Variants in GSS observed in about 807,000 individuals in gnomAD.
GSS encodes GSH synthetase.
Under a neutral mutation model 60.4 loss-of-function variants are expected in GSS, and 34 were observed. The ratio of observed to expected loss-of-function variants is 0.56; its 90% confidence interval spans 0.43 to 0.75. The LOEUF (loss-of-function observed/expected upper bound fraction) is 0.75. GSS is among the 30% of genes least tolerant of loss of function. The probability of loss-of-function intolerance (pLI) is 0.00; values close to 1 mark genes in which losing one functional copy is unlikely to be tolerated. For missense variants in GSS, 499 were observed against 595.1 expected, an observed-to-expected ratio of 0.84 and a Z score of 1.68; for synonymous variants, 224 against 239.0, an observed-to-expected ratio of 0.94 and a Z score of 0.58.
In GSS at chr20:34,935,648, A is replaced by G. The variant is rs1358355453; in HGVS notation, c.768-6T>C. On this transcript the variant is annotated splice_polypyrimidine_tract_variant and splice_region_variant and intron_variant, in intron 8 of 12. Transcript: ENST00000651619. ...CAGCAATTTCCTGGCCATCCCTGGA[A>G]CACAGGATGGAGAAGGCTGCTGTGT... is the stretch of plus-strand genomic sequence containing the variant. The G allele has an allele frequency of 1.9e-6, 3 of 1,602,560 alleles. No individual in the cohort carries two copies. The highest frequency in any genetic ancestry group is 2.6e-6 in the Non-Finnish European group (3 of 1,169,560).
intron 3 of GSS, among the ~76,000 whole-genome samples, chr20:34,943,478 G>GC (rs1190215224): frequency 6.6e-6 from 1 of 152,072 alleles, no homozygotes; most frequent in African/African-American, 2.4e-5. Context: ...CCCAGGGTGA[G>GC]CCTTCTCCTC....
chr20:34,936,707 G>C, intron 8 of GSS, 56 bp downstream of exon 8: 1 of 1,136,364 alleles, frequency 8.8e-7, no homozygotes, highest in Non-Finnish European at 1.3e-6. Context: ...TGGGGAAGAG[G>C]GTGGCAGGAT....
At chr20:34,951,658 C>T (rs1569018844) in intron 2 of GSS, 66 bp downstream of exon 2, 3 of 1,541,236 alleles carry the variant, frequency 1.9e-6, no homozygotes, top group Admixed American at 1.9e-5. Flanking sequence ...AAGGAGTGAC[C>T]CTCAGCCTGG....
At chr20:34,930,769 A>C (rs2081394949) in intron 11 of GSS, among the ~76,000 whole-genome samples, 1 of 152,050 alleles carries the variant, frequency 6.6e-6, no homozygotes, top group African/African-American at 2.4e-5. Context: ...GGCCCTTTAT[A>C]ATCAGGATGC....
rs1600378577 is a variant in GSS at position 34,931,966 on chromosome 20, G to A, written c.1002C>T (p.Thr334=). 1 of 1,614,124 alleles carries A rather than the reference G, an allele frequency of 6.2e-7. No homozygotes were observed. The highest frequency in any genetic ancestry group is 1.1e-5 in the South Asian group (1 of 91,078). The part of the protein sequence containing the change: ...QPEAVARLRA[T]FAGLYSLDVG... ...CATCCAGTGAGTAGAGGCCAGCAAA[G>A]GTGGCGCGGAGGCGGGCCACAGCCT... Residue 334 remains threonine (T), a synonymous_variant, in exon 10 of 13, where the codon ACC becomes ACT. Transcript: ENST00000651619.
intron 8 of GSS, 48 bp downstream of exon 8, chr20:34,936,715 G>T: frequency 8.0e-7 from 1 of 1,253,152 alleles, no homozygotes. Flanking sequence ...AGGGTGGCAG[G>T]ATGAGTTTCA....
intron 6 of GSS, among the ~76,000 whole-genome samples, chr20:34,937,429 G>A (rs529763126): frequency 6.6e-6 from 1 of 152,104 alleles, no homozygotes; most frequent in African/African-American, 2.4e-5. Flanking sequence ...GAGTATTGAG[G>A]AACATTTTGT....
intron 11 of GSS, among the ~76,000 whole-genome samples, chr20:34,930,933 C>G (rs1289661998): frequency 1.3e-5 from 2 of 152,110 alleles, no homozygotes; most frequent in Non-Finnish European, 2.9e-5. Flanking sequence ...CTCCTTTCCA[C>G]CTGGGAAATT....
intron 1 of GSS, chr20:34,955,233 G>A (rs1013448842): frequency 7.9e-5 from 12 of 152,336 alleles, no homozygotes; most frequent in Non-Finnish European, 1.3e-4. Flanking sequence ...GCCGCGCTTA[G>A]TACTGTATTC....
intron 3 of GSS, among the ~76,000 whole-genome samples, chr20:34,944,659 G>A (rs2081507126): frequency 6.6e-6 from 1 of 152,184 alleles, no homozygotes; most frequent in Non-Finnish European, 1.5e-5. Flanking sequence ...TTGCATATAC[G>A]TAATGAGACA....
chr20:34,937,111 C>T, intron 6 of GSS, 88 bp from the exon 7 acceptor site: 1 of 870,000 alleles, frequency 1.1e-6, no homozygotes, highest in Non-Finnish European at 1.9e-6. Flanking sequence ...GCCCCACCTC[C>T]TGGAATAAGA....
intron 1 of GSS, among the ~76,000 whole-genome samples, chr20:34,953,620 C>CT (rs748249699): frequency 0.11 from 11,991 of 108,820 alleles, 1,846 homozygotes; most frequent in African/African-American, 0.35. Context: ...CTCTTTCTTT[C>CT]TTTTTTTTTT....
At chr20:34,931,474 T>C (rs1020874347) in intron 10 of GSS, 57 bp from the exon 11 acceptor site, 24 of 1,383,662 alleles carry the variant, frequency 1.7e-5, no homozygotes, top group Non-Finnish European at 2.0e-5. Flanking sequence ...GGCAAGAAGC[T>C]TAGGTCCAGC....
intron 3 of GSS, among the ~76,000 whole-genome samples, chr20:34,944,300 A>G (rs896034612): frequency 6.6e-6 from 1 of 152,188 alleles, no homozygotes; most frequent in Non-Finnish European, 1.5e-5. Context: ...ATGAGCTGCA[A>G]GTCTCCTTCA....
At chr20:34,952,358 G>A (rs1178061514) in intron 1 of GSS, 1 of 183,562 alleles carries the variant, frequency 5.4e-6, no homozygotes, top group Non-Finnish European at 1.2e-5. Flanking sequence ...TGGGGAGCTG[G>A]GAAAGAATAC....
intron 12 of GSS, 71 bp from the exon 13 acceptor site, chr20:34,929,022 A>G: frequency 2.5e-6 from 4 of 1,580,688 alleles, no homozygotes; most frequent in Non-Finnish European, 3.5e-6. Flanking sequence ...CCCTGGACCC[A>G]GCTGAGCAGT....
chr20:34,929,195 C>A, intron 12 of GSS: 1 of 691,540 alleles, frequency 1.4e-6, no homozygotes, highest in Non-Finnish European at 2.5e-6. Flanking sequence ...ATCAGGGCTT[C>A]ATCTGATACC....
intron 5 of GSS, 128 bp downstream of exon 5, chr20:34,942,360 A>T: frequency 1.2e-6 from 1 of 846,784 alleles, no homozygotes; most frequent in Non-Finnish European, 1.9e-6. Context: ...CGGGGTGGCC[A>T]GGGGCAACAT....
chr20:34,935,696 G>C, intron 8 of GSS, 54 bp from the exon 9 acceptor site: 2 of 1,364,808 alleles, frequency 1.5e-6, no homozygotes, highest in Non-Finnish European at 2.1e-6. Flanking sequence ...GATTTGTTCA[G>C]TGGTTCAATC....
Sources: allele counts gnomAD v4.1 joint callset (sites outside exome capture counted in the v4.1 genomes callset), GRCh38; gene constraint gnomAD v4.1.1; transcripts MANE v1.5; gene names NCBI Gene and HGNC (gene_info 2026-07-23, HGNC 2026-07-21).